FIGN: variants seen among roughly 807,000 people sequenced by gnomAD.
FIGN encodes the protein fidgetin, microtubule severing factor.
A neutral mutation model predicts 51.3 loss-of-function variants in FIGN; 11 were observed. The ratio of observed to expected loss-of-function variants is 0.21; its 90% confidence interval spans 0.13 to 0.35. The LOEUF (loss-of-function observed/expected upper bound fraction) is 0.35. FIGN is among the 10% of genes least tolerant of loss of function. The pLI is 1.00. For synonymous variants in FIGN, 407 were observed against 363.2 expected (o/e 1.12, Z -1.37); for missense variants, 857 against 943.6 (o/e 0.91, Z 1.20).
At chr2:163,694,219 C>G (rs1684282046) in intron 2 of FIGN, among the ~76,000 whole-genome samples, 1 of 152,136 alleles carries the variant, frequency 6.6e-6, no homozygotes, top group African/African-American at 2.4e-5. Flanking sequence ...TTGTTTTGCC[C>G]CCACCAACTT....
At position 163,645,677 on chromosome 2, in the gene FIGN, T is replaced by G. The variant is rs574024954; in HGVS notation, c.26-33871A>C. ...TGTTTGCAGGCAAGGGCTTAAAGAATGATCAATTAAGTACCTTCCATAAAG... is the reference window on the plus strand; with the variant it reads ...TGTTTGCAGGCAAGGGCTTAAAGAAGGATCAATTAAGTACCTTCCATAAAG... On this transcript the variant is annotated intron_variant, in intron 2 of 2. Coordinates refer to ENST00000333129, the MANE Select transcript of FIGN (RefSeq NM_018086.4). 7.2e-5 allele frequency among the ~76,000 whole-genome samples: 11 copies of G among 152,278 alleles called. No individual in the cohort carries two copies. The South Asian group carries it at 1.0e-3, about 14-fold the overall frequency.
Position 163,658,823 on chromosome 2 carries a change from T to C in FIGN, c.26-47017A>G, listed in dbSNP as rs780742825. Among the ~76,000 whole-genome samples, 20 of 152,280 alleles carry C rather than the reference T, an allele frequency of 1.3e-4. No homozygotes were observed. In the South Asian group the frequency reaches 2.3e-3, roughly 17 times the overall value. On this transcript the variant is annotated intron_variant, in intron 2 of 2. Coordinates refer to ENST00000333129, the MANE Select transcript of FIGN (RefSeq NM_018086.4). Reference sequence around the variant, plus strand: ...CGATTAGGCAGGGCCAAACAAACCATATCCAAACCACAGTGCTTGTCTTCA... The same window carrying C: ...CGATTAGGCAGGGCCAAACAAACCACATCCAAACCACAGTGCTTGTCTTCA...
intron 2 of FIGN, among the ~76,000 whole-genome samples, chr2:163,693,065 C>A (rs973259996): frequency 2.0e-5 from 3 of 152,200 alleles, no homozygotes; most frequent in Admixed American, 1.3e-4. Context: ...AAGGCAACTC[C>A]AGGCAGCAGG....
chr2:163,616,582 G>A (rs183924469), intron 2 of FIGN, among the ~76,000 whole-genome samples: 1 of 152,250 alleles, frequency 6.6e-6, no homozygotes, highest in Admixed American at 6.5e-5. Context: ...TGCAGGCATG[G>A]CAGGTTTGCC....
chr2:163,652,931 T>C lies in FIGN; in HGVS notation c.26-41125A>G, dbSNP rs578011495. Among the ~76,000 whole-genome samples the C allele has an allele frequency of 4.6e-5, 7 of 152,238 alleles. No individual in the cohort carries two copies. In the East Asian group the frequency reaches 1.4e-3, roughly 29 times the overall value. On this transcript the variant is annotated intron_variant, in intron 2 of 2. Transcript: ENST00000333129. ...AATTACTATAGCGTGAGGAATACTGTTTACTCCCATTCTTTCACTCATTCA... is the reference window on the plus strand; with the variant it reads ...AATTACTATAGCGTGAGGAATACTGCTTACTCCCATTCTTTCACTCATTCA...
rs1573950861 is a variant in FIGN at position 163,687,335 on chromosome 2, T to C, written c.25+47568A>G. Among the ~76,000 whole-genome samples, 3 of 152,266 alleles carry C rather than the reference T, an allele frequency of 2.0e-5. 1 individual carries two copies. The South Asian group carries it at 6.2e-4, about 32-fold the overall frequency. On this transcript the variant is annotated intron_variant, in intron 2 of 2. Transcript: ENST00000333129. ...CTCCAGAGCAGTGGAGAAGAAATGG[T>C]AACAGAAAGCTCAACCACTAGGCTT... is the stretch of plus-strand genomic sequence containing the variant.
At chr2:163,647,910 G>A (rs1001670877) in intron 2 of FIGN, among the ~76,000 whole-genome samples, 1 of 152,110 alleles carries the variant, frequency 6.6e-6, no homozygotes, top group Non-Finnish European at 1.5e-5. Flanking sequence ...AAGAAAGACT[G>A]TGAGAGCCTC....
At chr2:163,663,602 G>T (rs1217411300) in intron 2 of FIGN, among the ~76,000 whole-genome samples, 1 of 151,620 alleles carries the variant, frequency 6.6e-6, no homozygotes, top group Non-Finnish European at 1.5e-5. Context: ...AGGATAGTCT[G>T]CCGGGCACGG....
intron 2 of FIGN, among the ~76,000 whole-genome samples, chr2:163,730,280 T>C (rs921183079): frequency 1.3e-5 from 2 of 152,206 alleles, no homozygotes; most frequent in African/African-American, 2.4e-5. Flanking sequence ...AAAAGATTAG[T>C]AATCAGCAAT....
At chr2:163,710,632 T>A (rs1684572662) in intron 2 of FIGN, among the ~76,000 whole-genome samples, 1 of 152,218 alleles carries the variant, frequency 6.6e-6, no homozygotes, top group South Asian at 2.1e-4. Flanking sequence ...GCTGCCTGAC[T>A]ATGACATAAT....
chr2:163,640,544 A>T (rs1683291527), intron 2 of FIGN, among the ~76,000 whole-genome samples: 1 of 152,146 alleles, frequency 6.6e-6, no homozygotes. Flanking sequence ...ATAATTTACT[A>T]TTTTAAGAGT....
At chr2:163,658,177 G>A (rs146196036) in intron 2 of FIGN, among the ~76,000 whole-genome samples, 83 of 152,258 alleles carry the variant, frequency 5.5e-4, no homozygotes, top group Non-Finnish European at 9.6e-4. Flanking sequence ...TGGTAGGCAA[G>A]TTATTCTTCA....
intron 2 of FIGN, among the ~76,000 whole-genome samples, chr2:163,724,020 T>C (rs1229989819): frequency 6.6e-6 from 1 of 152,128 alleles, no homozygotes; most frequent in Non-Finnish European, 1.5e-5. Context: ...GTTACTTGAG[T>C]TCACTGGTCC....
At position 163,710,404 on chromosome 2, in the gene FIGN, G is replaced by A. The variant is rs558383240; in HGVS notation, c.25+24499C>T. Among the ~76,000 whole-genome samples the A allele has an allele frequency of 1.4e-4, 21 of 152,284 alleles. No individual in the cohort carries two copies. The South Asian group carries it at 4.3e-3, about 32-fold the overall frequency. ...TTCATTTTGCTTTTTATTTTGGTTA[G>A]GCTAAATGCCCTTCCTCCACAGCAA... On this transcript the variant is annotated intron_variant, in intron 2 of 2. Transcript: ENST00000333129.
chr2:163,607,156 G>A lies in FIGN; in HGVS notation c.*2396C>T, dbSNP rs947157445. The A allele has an allele frequency of 1.3e-5, 2 of 152,190 alleles. No homozygotes were observed. The highest frequency in any genetic ancestry group is 6.6e-5 in the Admixed American group (1 of 15,264). 9.4% of individuals were successfully genotyped at this position (152,190 alleles called of 1,614,324 possible). ...CGGAAATGAAATATAATGTCTAAAA[G>A]TCAGAAAATAGGTCAGCACTGTGCA... On this transcript the variant is annotated 3_prime_UTR_variant, in exon 3 of 3. Coordinates refer to ENST00000333129, the MANE Select transcript of FIGN (RefSeq NM_018086.4).
chr2:163,704,481 C>T (rs899894763), intron 2 of FIGN, among the ~76,000 whole-genome samples: 3 of 151,968 alleles, frequency 2.0e-5, no homozygotes, highest in African/African-American at 4.8e-5. Flanking sequence ...ACAGGCACTG[C>T]GTGGGCTTTG....
intron 2 of FIGN, among the ~76,000 whole-genome samples, chr2:163,673,176 C>T (rs1164873053): frequency 6.6e-6 from 1 of 151,956 alleles, no homozygotes; most frequent in Non-Finnish European, 1.5e-5. Flanking sequence ...AAATGTGGAG[C>T]CTTGGAATTG....
At chr2:163,664,277 T>C (rs2105329394) in intron 2 of FIGN, among the ~76,000 whole-genome samples, 1 of 152,314 alleles carries the variant, frequency 6.6e-6, no homozygotes, top group East Asian at 1.9e-4. Flanking sequence ...ATCGTTCCTT[T>C]CTTTATAGTG....
In FIGN at chr2:163,690,180, T is replaced by C. The variant is rs116301300; in HGVS notation, c.25+44723A>G. ...GTTCCCCAAGGATGAGGCCAGTATT[T>C]CTTAAACACTCGAGCTAACTGCCTT... On this transcript the variant is annotated intron_variant, in intron 2 of 2. Coordinates refer to ENST00000333129, the MANE Select transcript of FIGN (RefSeq NM_018086.4). Among the ~76,000 whole-genome samples, 1,048 of 152,266 alleles carry C rather than the reference T, an allele frequency of 6.9e-3. 8 individuals are homozygous for C. The highest frequency in any genetic ancestry group is 0.025 in the African/African-American group (1,019 of 41,542).
Sources: gnomAD v4.1 joint callset for allele counts (sites outside exome capture counted in the v4.1 genomes callset) on GRCh38, gnomAD v4.1.1 for gene constraint, MANE v1.5 for transcripts, NCBI Gene and HGNC (gene_info 2026-07-23, HGNC 2026-07-21) for gene names.